Variants in ANKIB1 observed in about 807,000 individuals in gnomAD.
ANKIB1 encodes ankyrin repeat and IBR domain containing 1.
A neutral mutation model predicts 122.1 loss-of-function variants in ANKIB1; 43 were observed. The ratio of observed to expected loss-of-function variants is 0.35; its 90% CI spans 0.28 to 0.45. ANKIB1 has a LOEUF of 0.45. ANKIB1 is among the 20% of genes least tolerant of loss of function. The probability of loss-of-function intolerance (pLI) is 1.00; values close to 1 mark genes in which losing one functional copy is unlikely to be tolerated. For synonymous variants in ANKIB1, 390 were observed against 442.0 expected (o/e 0.88, Z 1.48); for missense variants, 992 against 1,329.5 (o/e 0.75, Z 3.95).
At chr7:92,328,762 A>G (rs953408279) in intron 5 of ANKIB1, among the ~76,000 whole-genome samples, 2 of 151,856 alleles carry the variant, frequency 1.3e-5, no homozygotes, top group Admixed American at 6.6e-5. Context: ...TTTATGATCT[A>G]TACTAAAATA....
At chr7:92,312,570 T>A (rs888042573) in intron 3 of ANKIB1, among the ~76,000 whole-genome samples, 1 of 152,158 alleles carries the variant, frequency 6.6e-6, no homozygotes, top group African/African-American at 2.4e-5. Context: ...TTGAATTGCT[T>A]ATAATTTTCG....
rs369237959 is a variant in ANKIB1 at position 92,382,867 on chromosome 7, G to A, written c.1618-3642G>A. 3.2e-4 allele frequency among the ~76,000 whole-genome samples: 48 copies of A among 152,230 alleles called. 1 individual carries two copies. The highest frequency in any genetic ancestry group is 9.9e-4 in the African/African-American group (41 of 41,546). ...GAGCAAACACATTCAAAAGCTAGCA[G>A]AAGGCAAGAAATAACTAAGGTCAGA... On this transcript the variant is annotated intron_variant, in intron 11 of 19. Transcript: ENST00000265742.
Position 92,372,218 on chromosome 7 carries a change from A to G in ANKIB1, c.1617+611A>G, listed in dbSNP as rs187862661. 3.0e-3 allele frequency among the ~76,000 whole-genome samples: 456 copies of G among 152,178 alleles called. 1 individual carries two copies. Among genetic ancestry groups the G allele is most frequent in the African/African-American group, 0.01 (432 of 41,512 alleles). ...AACCACAGATCAAAAATACTTAGGG[A>G]AAAAAATTGCATCTGTATCGAACAT... On this transcript the variant is annotated intron_variant, in intron 11 of 19. Transcript: ENST00000265742.
chr7:92,261,840 G>A (rs1456227261), intron 1 of ANKIB1, among the ~76,000 whole-genome samples: 4 of 152,108 alleles, frequency 2.6e-5, no homozygotes, highest in African/African-American at 9.7e-5. Context: ...GGTATTTTGC[G>A]CTAGTGTCAG....
intron 1 of ANKIB1, among the ~76,000 whole-genome samples, chr7:92,265,197 T>G (rs553588808): frequency 5.3e-5 from 8 of 152,096 alleles, no homozygotes; most frequent in Non-Finnish European, 1.2e-4. Flanking sequence ...CAGGCTGGTC[T>G]TGAACTCCTG....
intron 1 of ANKIB1, among the ~76,000 whole-genome samples, chr7:92,266,630 G>T (rs1034137843): frequency 1.3e-5 from 2 of 152,168 alleles, no homozygotes; most frequent in African/African-American, 4.8e-5. Flanking sequence ...ACTCACTGGG[G>T]GCACTGTGTA....
In ANKIB1 at chr7:92,351,100, G is replaced by T. The variant is rs1160325164; in HGVS notation, c.1230+6G>T. On this transcript the variant is annotated splice_donor_region_variant and intron_variant, in intron 8 of 19. Transcript: ENST00000265742. ...ACCTACAGTTTGATATTAAGGTAAG[G>T]TATACTGCCAATTATCTGTCCAATT... 1.3e-6 allele frequency: 2 copies of T among 1,521,756 alleles called. No individual in the cohort carries two copies. Among genetic ancestry groups the T allele is most frequent in the Admixed American group, 4.7e-5 (2 of 42,850 alleles). 94.3% of individuals were successfully genotyped at this position (1,521,756 alleles called of 1,614,324 possible). A position where few individuals can be genotyped will look rare whatever the true frequency, so the allele number is the denominator to read the frequency against.
At chr7:92,273,639 A>G (rs1271502610) in intron 1 of ANKIB1, among the ~76,000 whole-genome samples, 5 of 152,254 alleles carry the variant, frequency 3.3e-5, no homozygotes, top group Non-Finnish European at 7.3e-5. Flanking sequence ...AAGATGGGTT[A>G]TTATAGTCTG....
intron 3 of ANKIB1, among the ~76,000 whole-genome samples, 183 bp from the exon 4 acceptor site, chr7:92,319,147 A>T (rs1035388271): frequency 6.6e-6 from 1 of 151,946 alleles, no homozygotes; most frequent in South Asian, 2.1e-4. Context: ...AAGAATTACT[A>T]ATCTTAAAAT....
chr7:92,281,310 G>T lies in ANKIB1; in HGVS notation c.-90-13579G>T, dbSNP rs141328169. ...TTCCAGACTTTCTGAAGAAAAGCAG[G>T]TGATTAGCATATACTGCATTATTTA... On this transcript the variant is annotated intron_variant, in intron 1 of 19. Transcript: ENST00000265742. Among the ~76,000 whole-genome samples, 623 of 152,254 alleles carry T rather than the reference G, an allele frequency of 4.1e-3. 8 individuals carry two copies. Among genetic ancestry groups the T allele is most frequent in the Admixed American group, 0.024 (364 of 15,298 alleles).
chr7:92,398,503 C>G lies in ANKIB1; in HGVS notation c.2824C>G (p.Leu942Val). 1 of 1,613,994 alleles carries G rather than the reference C, an allele frequency of 6.2e-7. No homozygotes were observed. Among genetic ancestry groups the G allele is most frequent in the Non-Finnish European group, 8.5e-7 (1 of 1,179,874 alleles). ...AACTGACACCCTGAGCTCACACCCT[C>G]TCAGTGAGGCAAGAAGTGATTTCTG... ...FSTDTLSSHP[L>V]SEARSDFCPS... The change falls in exon 20 of 20, where the codon CTC (leucine) becomes GTC (valine). Residue 942 changes from leucine (L) to valine (V), a missense_variant. This residue lies in a region of ANKIB1 where 384 missense variants were observed against 412.0 expected (regional missense o/e 0.93). Coordinates refer to ENST00000265742, the MANE Select transcript of ANKIB1 (RefSeq NM_019004.2).
chr7:92,299,523 T>C (rs1802419668), intron 2 of ANKIB1, among the ~76,000 whole-genome samples: 1 of 152,194 alleles, frequency 6.6e-6, no homozygotes. Flanking sequence ...GAGACAGATA[T>C]TTAAAAACAT....
intron 3 of ANKIB1, among the ~76,000 whole-genome samples, chr7:92,309,802 G>A (rs1193625247): frequency 6.6e-6 from 1 of 150,742 alleles, no homozygotes; most frequent in African/African-American, 2.4e-5. Context: ...GCAGGCACCT[G>A]TAGTCCCAGC....
rs1804986110 is a variant in ANKIB1, at chr7:92,400,132, A to AGGG, written c.*1183_*1184insGGG. 6.6e-6 allele frequency: 1 copy of AGGG among 152,200 alleles called. No homozygotes were observed. Among genetic ancestry groups the AGGG allele is most frequent in the Non-Finnish European group, 1.5e-5 (1 of 68,034 alleles). The allele number at this position is 152,200 out of a possible 1,614,324, so 9.4% of individuals were successfully genotyped here. A position where few individuals can be genotyped will look rare whatever the true frequency, so the allele number is the denominator to read the frequency against. On this transcript the variant is annotated 3_prime_UTR_variant, in exon 20 of 20. Transcript: ENST00000265742. Reference sequence around the variant, plus strand: ...TGCAAAGACCTCCATAAAACCACCCATGGCCTTGCTTTTACACTAACTATA... The same window carrying AGGG: ...TGCAAAGACCTCCATAAAACCACCCAGGGTGGCCTTGCTTTTACACTAACTATA...
chr7:92,271,634 G>A (rs948425793), intron 1 of ANKIB1, among the ~76,000 whole-genome samples: 2 of 152,102 alleles, frequency 1.3e-5, no homozygotes, highest in African/African-American at 4.8e-5. Flanking sequence ...AGTCCAAGCT[G>A]CAAATATAGG....
At chr7:92,309,942 A>AAAAAAAAAAAAAAATATATATAT (rs1335765681) in intron 3 of ANKIB1, among the ~76,000 whole-genome samples, 1 of 91,788 alleles carries the variant, frequency 1.1e-5, no homozygotes, top group Non-Finnish European at 2.0e-5. Context: ...AAAAAAAAAA[A>AAAAAAAAAAAAAAATATATATAT]ATATATATAT....
intron 9 of ANKIB1, among the ~76,000 whole-genome samples, chr7:92,360,467 C>T (rs1803916989): frequency 6.6e-6 from 1 of 151,960 alleles, no homozygotes; most frequent in African/African-American, 2.4e-5. Flanking sequence ...TGTGTGTATA[C>T]TGCACAATTT....
At chr7:92,390,674 A>G (rs1804765948) in intron 15 of ANKIB1, among the ~76,000 whole-genome samples, 1 of 152,186 alleles carries the variant, frequency 6.6e-6, no homozygotes, top group African/African-American at 2.4e-5. Context: ...TTTATATCCT[A>G]CATTTCTGTC....
intron 16 of ANKIB1, among the ~76,000 whole-genome samples, chr7:92,391,697 G>C (rs1218460051): frequency 2.6e-5 from 4 of 151,994 alleles, no homozygotes; most frequent in Non-Finnish European, 5.9e-5. Flanking sequence ...TGTAGAATTT[G>C]GAAACTTTGC....
Sources: allele counts gnomAD v4.1 joint callset (sites outside exome capture counted in the v4.1 genomes callset), GRCh38; gene constraint gnomAD v4.1.1; regional missense constraint gnomAD v4.1.1; transcripts MANE v1.5; gene names NCBI Gene and HGNC (gene_info 2026-07-23, HGNC 2026-07-21).